Variants in ATL1 observed in about 807,000 individuals in gnomAD.
ATL1 encodes the protein atlastin GTPase 1.
In ATL1, 31 loss-of-function variants were observed where a neutral mutation model predicts 75.5. The observed-to-expected ratio is 0.41, with a 90% CI of 0.31 to 0.55. The LOEUF (loss-of-function observed/expected upper bound fraction) is 0.55. Ranked by LOEUF, ATL1 falls within the 20% of genes least tolerant of loss-of-function variation. The pLI, the probability that ATL1 is intolerant of heterozygous loss-of-function variation, is 0.27. For missense variants in ATL1, 405 were observed against 662.6 expected (o/e 0.61, Z 4.27); for synonymous variants, 226 against 233.3 (o/e 0.97, Z 0.28).
chr14:50,605,081 AT>A (rs1387007023), intron 6 of ATL1, among the ~76,000 whole-genome samples: 8 of 152,018 alleles, frequency 5.3e-5, no homozygotes, highest in Non-Finnish European at 1.2e-4. Flanking sequence ...AAAAAGAAAG[AT>A]TTATGATAAT....
In ATL1 at chr14:50,591,082, T is replaced by C. The variant is rs768573753; in HGVS notation, c.417+7T>C. On this transcript the variant is annotated splice_region_variant and intron_variant, in intron 3 of 13. Coordinates refer to ENST00000358385, the MANE Select transcript of ATL1 (RefSeq NM_015915.5). Reference sequence around the variant, plus strand: ...TAAACCTGATGGTAAAAAGGTATGATGCTAACTTCCTAAATAAAATTGAGT... The same window carrying C: ...TAAACCTGATGGTAAAAAGGTATGACGCTAACTTCCTAAATAAAATTGAGT... 1 of 1,612,516 alleles carries C rather than the reference T, an allele frequency of 6.2e-7. No individual in the cohort carries two copies. The highest frequency in any genetic ancestry group is 8.5e-7 in the Non-Finnish European group (1 of 1,179,192).
intron 1 of ATL1, among the ~76,000 whole-genome samples, chr14:50,576,556 T>A (rs1411579077): frequency 2.6e-5 from 4 of 152,204 alleles, no homozygotes; most frequent in African/African-American, 9.6e-5. Context: ...AAACTTGTTA[T>A]GCATTCCAAA....
intron 1 of ATL1, among the ~76,000 whole-genome samples, chr14:50,577,161 C>G (rs940678376): frequency 6.6e-6 from 1 of 152,170 alleles, no homozygotes; most frequent in Non-Finnish European, 1.5e-5. Context: ...CTCCCGGGTT[C>G]AAGCGATTCT....
chr14:50,541,747 G>A (rs755612688), intron 1 of ATL1, among the ~76,000 whole-genome samples: 14 of 152,050 alleles, frequency 9.2e-5, no homozygotes, highest in Middle Eastern at 3.4e-3. Context: ...TTGGCCAGGC[G>A]CGGTGGCTCA....
chr14:50,600,288 A>G (rs2039260169), intron 6 of ATL1, among the ~76,000 whole-genome samples: 2 of 151,980 alleles, frequency 1.3e-5, no homozygotes, highest in Admixed American at 1.3e-4. Context: ...AAAACAAACA[A>G]TGAAAAAAAC....
chr14:50,620,854 T>G (rs2039461296), intron 9 of ATL1, 128 bp downstream of exon 9: 4 of 1,160,654 alleles, frequency 3.4e-6, no homozygotes, highest in Non-Finnish European at 4.9e-6. Flanking sequence ...AAAAAGGATT[T>G]TAAAAATCCT....
chr14:50,629,959 C>T, intron 12 of ATL1, 36 bp from the exon 13 acceptor site: 1 of 1,535,312 alleles, frequency 6.5e-7, no homozygotes, highest in East Asian at 2.3e-5. Context: ...AGGATATATA[C>T]TTTTCTTTTT....
At chr14:50,576,071 A>G (rs2047149) in intron 1 of ATL1, among the ~76,000 whole-genome samples, 102,726 of 152,082 alleles carry the variant, frequency 0.68, 34,821 homozygotes, top group East Asian at 0.75. Context: ...ATACCTATTC[A>G]GTAGAAATCA....
In ATL1 at chr14:50,594,968, C is replaced by T. The variant is rs556601828; in HGVS notation, c.574-608C>T. 2.1e-5 allele frequency among the ~76,000 whole-genome samples: 3 copies of T among 143,014 alleles called. 1 individual carries two copies. Among genetic ancestry groups the T allele is most frequent in the African/African-American group, 7.9e-5 (3 of 37,954 alleles). 93.8% of individuals were successfully genotyped at this position (143,014 alleles called of 152,430 possible). On this transcript the variant is annotated intron_variant, in intron 5 of 13. Transcript: ENST00000358385. ...GAGCAGAGATCATGCCACTGCACTC[C>T]AGCCTGCGTGACAGAGTGAGACCCT...
intron 1 of ATL1, among the ~76,000 whole-genome samples, chr14:50,566,339 A>G (rs2038903954): frequency 6.6e-6 from 1 of 152,172 alleles, no homozygotes; most frequent in Non-Finnish European, 1.5e-5. Flanking sequence ...AAACACTTTC[A>G]TTAATTTGAA....
chr14:50,536,350 C>T (rs1305831500), intron 1 of ATL1, among the ~76,000 whole-genome samples: 6 of 150,782 alleles, frequency 4.0e-5, no homozygotes, highest in Non-Finnish European at 5.9e-5. Flanking sequence ...GCAGGAGAAT[C>T]GCTTGAACCC....
chr14:50,571,122 G>A (rs1170597206), intron 1 of ATL1, among the ~76,000 whole-genome samples: 2 of 152,164 alleles, frequency 1.3e-5, no homozygotes, highest in Non-Finnish European at 1.5e-5. Context: ...GCTAGAGTGG[G>A]AGGGGCTTCC....
chr14:50,552,085 G>C (rs1055204761), intron 1 of ATL1, among the ~76,000 whole-genome samples: 1 of 152,124 alleles, frequency 6.6e-6, no homozygotes, highest in Non-Finnish European at 1.5e-5. Flanking sequence ...GCTGTTCGCC[G>C]ATGATATGAT....
At chr14:50,547,634 T>C (rs2140155091) in intron 1 of ATL1, among the ~76,000 whole-genome samples, 1 of 152,290 alleles carries the variant, frequency 6.6e-6, no homozygotes, top group Middle Eastern at 3.4e-3. Flanking sequence ...CAGCCCTGTG[T>C]GGCCTGTGAA....
At chr14:50,577,851 T>G (rs1419706280) in intron 1 of ATL1, among the ~76,000 whole-genome samples, 3 of 152,226 alleles carry the variant, frequency 2.0e-5, no homozygotes, top group Non-Finnish European at 2.9e-5. Context: ...TTTTTATTGC[T>G]GAATAATATT....
chr14:50,538,644 A>G (rs902992360), intron 1 of ATL1, among the ~76,000 whole-genome samples: 1 of 152,148 alleles, frequency 6.6e-6, no homozygotes, highest in Non-Finnish European at 1.5e-5. Flanking sequence ...AAAAGCTACA[A>G]TGCTTGGCTG....
chr14:50,620,471 T>C (rs2140232304), intron 8 of ATL1, 128 bp from the exon 9 acceptor site: 1 of 995,534 alleles, frequency 1.0e-6, no homozygotes. Context: ...GTCGCTTAAA[T>C]GATGGGGAAG....
At chr14:50,585,187 A>C (rs1235345332) in intron 1 of ATL1, among the ~76,000 whole-genome samples, 1 of 152,232 alleles carries the variant, frequency 6.6e-6, no homozygotes, top group African/African-American at 2.4e-5. Context: ...GGCGGAAGTG[A>C]AACATTTATA....
chr14:50,548,465 G>A (rs2038662021), intron 1 of ATL1, among the ~76,000 whole-genome samples: 1 of 152,150 alleles, frequency 6.6e-6, no homozygotes, highest in Non-Finnish European at 1.5e-5. Context: ...AGGGTTTGTG[G>A]CAAAAGCAGC....
Sources: allele counts gnomAD v4.1 joint callset (sites outside exome capture counted in the v4.1 genomes callset), GRCh38; gene constraint gnomAD v4.1.1; transcripts MANE v1.5; gene names NCBI Gene and HGNC (gene_info 2026-07-23, HGNC 2026-07-21).